ARID1B: variants seen among roughly 807,000 people sequenced by gnomAD.
The protein encoded by ARID1B is AT-rich interactive domain-containing protein 1B.
ARID1B carries 30 observed loss-of-function variants against 212.3 expected under a neutral mutation model. The observed-to-expected ratio is 0.14, with a 90% CI of 0.11 to 0.19. ARID1B has a LOEUF of 0.19. ARID1B is among the 10% of genes least tolerant of loss of function. ARID1B has a pLI of 1.00. For missense variants in ARID1B, 2,891 were observed against 3,204.0 expected (o/e 0.90, Z 2.36); for synonymous variants, 1,402 against 1,301.7 (o/e 1.08, Z -1.66).
At chr6:157,170,344 T>C (rs1791635019) in intron 9 of ARID1B, 1 of 152,136 alleles carries the variant, frequency 6.6e-6, no homozygotes, top group South Asian at 2.1e-4. Context: ...TGGATCACAG[T>C]TTTCTGTCTT....
chr6:156,908,317 A>C (rs1789576025), intron 3 of ARID1B, among the ~76,000 whole-genome samples: 1 of 152,170 alleles, frequency 6.6e-6, no homozygotes, highest in African/African-American at 2.4e-5. Flanking sequence ...TGTCCATTTC[A>C]TATAATTTTT....
At chr6:157,068,360 T>C (rs1583249101) in intron 4 of ARID1B, among the ~76,000 whole-genome samples, 1 of 152,350 alleles carries the variant, frequency 6.6e-6, no homozygotes, top group South Asian at 2.1e-4. Flanking sequence ...GAGGTAGCTG[T>C]CTTCAGCTGA....
At chr6:157,096,648 C>T (rs1785654315) in intron 5 of ARID1B, among the ~76,000 whole-genome samples, 1 of 152,232 alleles carries the variant, frequency 6.6e-6, no homozygotes, top group African/African-American at 2.4e-5. Flanking sequence ...GAGAGCTTAG[C>T]CGTGCCCAGG....
chr6:156,889,942 A>G (rs1252663663), intron 2 of ARID1B, among the ~76,000 whole-genome samples: 2 of 152,246 alleles, frequency 1.3e-5, no homozygotes, highest in Non-Finnish European at 2.9e-5. Flanking sequence ...TTTTATGAAA[A>G]CTAAAGGATG....
At chr6:157,063,381 C>T (rs796825852) in intron 4 of ARID1B, among the ~76,000 whole-genome samples, 18 of 152,290 alleles carry the variant, frequency 1.2e-4, no homozygotes, top group African/African-American at 4.3e-4. Flanking sequence ...AAGGAGGAAA[C>T]AGCCTCACAG....
chr6:157,049,133 A>G (rs751063147), intron 4 of ARID1B, among the ~76,000 whole-genome samples: 1 of 149,750 alleles, frequency 6.7e-6, no homozygotes, highest in Non-Finnish European at 1.5e-5. Flanking sequence ...AGATCATGCC[A>G]CTGCACTTCA....
intron 11 of ARID1B, chr6:157,175,722 AT>A (rs1388323729): frequency 6.6e-6 from 1 of 152,208 alleles, no homozygotes; most frequent in Admixed American, 6.5e-5. Flanking sequence ...GTATCAGGGA[AT>A]TTTGTAAGCC....
At chr6:156,906,884 T>G (rs907717117) in intron 3 of ARID1B, among the ~76,000 whole-genome samples, 2 of 152,224 alleles carry the variant, frequency 1.3e-5, no homozygotes, top group Admixed American at 6.5e-5. Context: ...TATTTTTTGT[T>G]GCTATTGTAA....
At chr6:157,090,720 C>T (rs1358996990) in intron 5 of ARID1B, among the ~76,000 whole-genome samples, 2 of 152,250 alleles carry the variant, frequency 1.3e-5, no homozygotes, top group East Asian at 3.9e-4. Context: ...CCTGGCCTCT[C>T]GGCAGACTAC....
At chr6:156,995,208 G>A (rs533858612) in intron 4 of ARID1B, among the ~76,000 whole-genome samples, 3 of 152,286 alleles carry the variant, frequency 2.0e-5, no homozygotes, top group South Asian at 2.1e-4. Flanking sequence ...GGTGACGTAC[G>A]AATGAGCCCC....
chr6:156,983,719 C>T (rs1442920941), intron 4 of ARID1B, among the ~76,000 whole-genome samples: 2 of 152,060 alleles, frequency 1.3e-5, no homozygotes, highest in East Asian at 1.9e-4. Flanking sequence ...CCACCTCATC[C>T]GTGTGAGCCC....
At chr6:157,186,247 G>A (rs923004742) in intron 13 of ARID1B, 7 of 340,268 alleles carry the variant, frequency 2.1e-5, no homozygotes, top group East Asian at 7.8e-5. Flanking sequence ...ACAGCCAGCC[G>A]TTCCCTTTTC....
Position 157,116,450 on chromosome 6 carries a change from A to G in ARID1B, c.2581+5889A>G, listed in dbSNP as rs182560751. 5.3e-5 allele frequency among the ~76,000 whole-genome samples: 8 copies of G among 150,172 alleles called. No individual in the cohort carries two copies. The East Asian group carries it at 1.6e-3, about 29-fold the overall frequency. On this transcript the variant is annotated intron_variant, in intron 6 of 19. Transcript: ENST00000636930. ...GGTCTGAACTAGATCTGGATTCCCAAAATCAACACAGGTTATTTAACCCTT... is the reference window on the plus strand; with the variant it reads ...GGTCTGAACTAGATCTGGATTCCCAGAATCAACACAGGTTATTTAACCCTT...
chr6:156,817,396 G>A (rs1382006539), intron 1 of ARID1B, among the ~76,000 whole-genome samples: 1 of 151,990 alleles, frequency 6.6e-6, no homozygotes, highest in Non-Finnish European at 1.5e-5. Flanking sequence ...AGCACTTTGG[G>A]AGGCTGAGGC....
chr6:156,786,621 GGGAA>G (rs1779649001), intron 1 of ARID1B, among the ~76,000 whole-genome samples: 1 of 152,108 alleles, frequency 6.6e-6, no homozygotes, highest in Admixed American at 6.5e-5. Flanking sequence ...AGCTTGTACT[GGGAA>G]GCAATAGTTA....
Position 157,026,974 on chromosome 6 carries a change from A to G in ARID1B, c.2248-57688A>G, listed in dbSNP as rs149217550. ...AGTTTCCTTCCCATGTAATGCATAC[A>G]TAGTTATTTGTTATTATTGCCCTTA... On this transcript the variant is annotated intron_variant, in intron 4 of 19. Coordinates refer to ENST00000636930, the MANE Select transcript of ARID1B (RefSeq NM_001374828.1). 8.7e-3 allele frequency among the ~76,000 whole-genome samples: 1,321 copies of G among 152,304 alleles called. 25 individuals are homozygous for G. Among genetic ancestry groups the G allele is most frequent in the African/African-American group, 0.031 (1,275 of 41,558 alleles).
chr6:157,053,002 G>A (rs575184559), intron 4 of ARID1B, among the ~76,000 whole-genome samples: 2 of 152,212 alleles, frequency 1.3e-5, no homozygotes, highest in South Asian at 4.1e-4. Context: ...ACAAGCGTGA[G>A]CCACCACACC....
At chr6:157,182,058 G>A (rs1792581816) in intron 12 of ARID1B, among the ~76,000 whole-genome samples, 1 of 152,064 alleles carries the variant, frequency 6.6e-6, no homozygotes, top group Non-Finnish European at 1.5e-5. Flanking sequence ...GACTAGCCTG[G>A]GGACCCCAGT....
At chr6:156,963,494 A>G (rs966785798) in intron 4 of ARID1B, among the ~76,000 whole-genome samples, 1 of 152,240 alleles carries the variant, frequency 6.6e-6, no homozygotes, top group Non-Finnish European at 1.5e-5. Context: ...AAATGATTGC[A>G]TAGTATTCAT....
Sources: gnomAD v4.1 joint callset for allele counts (sites outside exome capture counted in the v4.1 genomes callset) on GRCh38, gnomAD v4.1.1 for gene constraint, MANE v1.5 for transcripts, NCBI Gene and HGNC (gene_info 2026-07-23, HGNC 2026-07-21) for gene names.